Variants in DLG2 observed in about 807,000 individuals in gnomAD.
The protein encoded by DLG2 is disks large homolog 2.
In DLG2, 45 loss-of-function variants were observed where a neutral mutation model predicts 132.5. That is an observed-to-expected ratio of 0.34 (90% CI 0.27 to 0.44). The LOEUF is 0.44. DLG2 is among the 20% of genes least tolerant of loss of function. The probability of loss-of-function intolerance (pLI) is 1.00; values close to 1 mark genes in which losing one functional copy is unlikely to be tolerated. For synonymous variants in DLG2, 424 were observed against 419.6 expected, an observed-to-expected ratio of 1.01 and a Z score of -0.13; for missense variants, 1,045 against 1,196.9, an observed-to-expected ratio of 0.87 and a Z score of 1.87.
chr11:84,901,297 C>G (rs1352197271), intron 6 of DLG2, among the ~76,000 whole-genome samples: 1 of 151,984 alleles, frequency 6.6e-6, no homozygotes, highest in African/African-American at 2.4e-5. Context: ...AGGAGGGTCA[C>G]AGGCTGAGAA....
At chr11:85,486,664 C>A (rs1472092962) in intron 3 of DLG2, among the ~76,000 whole-genome samples, 1 of 152,074 alleles carries the variant, frequency 6.6e-6, no homozygotes, top group Non-Finnish European at 1.5e-5. Flanking sequence ...GGAATGCCCA[C>A]CCATAGCAGT....
At chr11:85,504,437 C>A (rs1390702213) in intron 3 of DLG2, among the ~76,000 whole-genome samples, 2 of 152,178 alleles carry the variant, frequency 1.3e-5, no homozygotes, top group African/African-American at 4.8e-5. Context: ...ATATGGCTAG[C>A]CAGTTTTCCC....
chr11:83,799,154 G>A (rs2043645038), intron 17 of DLG2, among the ~76,000 whole-genome samples: 1 of 152,170 alleles, frequency 6.6e-6, no homozygotes, highest in South Asian at 2.1e-4. Flanking sequence ...ACTTATGTGG[G>A]TAACAGGGAA....
At chr11:85,396,771 G>C (rs1271514407) in intron 3 of DLG2, among the ~76,000 whole-genome samples, 1 of 152,138 alleles carries the variant, frequency 6.6e-6, no homozygotes, top group African/African-American at 2.4e-5. Context: ...AGAAATATGG[G>C]ACTACGTGAA....
chr11:85,387,217 A>G (rs931867702), intron 3 of DLG2, among the ~76,000 whole-genome samples: 1 of 152,146 alleles, frequency 6.6e-6, no homozygotes, highest in Non-Finnish European at 1.5e-5. Context: ...TATCTTTGTG[A>G]AGAACATTCC....
chr11:83,676,855 G>A (rs962099640), intron 18 of DLG2, among the ~76,000 whole-genome samples: 4 of 152,066 alleles, frequency 2.6e-5, no homozygotes, highest in Admixed American at 6.6e-5. Flanking sequence ...TAAACTCCTC[G>A]AGTTCAAAGA....
chr11:84,520,249 T>G (rs570522539), intron 7 of DLG2, among the ~76,000 whole-genome samples: 19 of 152,306 alleles, frequency 1.2e-4, no homozygotes, highest in Middle Eastern at 6.8e-3. Context: ...GTTCTTTGTT[T>G]TAAACAATTT....
chr11:84,357,525 G>C (rs1175843720), intron 7 of DLG2, among the ~76,000 whole-genome samples: 1 of 151,976 alleles, frequency 6.6e-6, no homozygotes, highest in East Asian at 1.9e-4. Context: ...ATGTTTAAGA[G>C]CAATGGCAGT....
chr11:84,057,014 C>A (rs2096514004), intron 11 of DLG2, among the ~76,000 whole-genome samples: 1 of 152,046 alleles, frequency 6.6e-6, no homozygotes, highest in Admixed American at 6.6e-5. Context: ...ACTTGTAACC[C>A]CATCTCCCAT....
At chr11:84,079,224 C>A (rs2096869211) in intron 10 of DLG2, among the ~76,000 whole-genome samples, 2 of 151,714 alleles carry the variant, frequency 1.3e-5, no homozygotes, top group Admixed American at 1.3e-4. Context: ...CACCTTAGTT[C>A]AAGTTACAAT....
chr11:84,352,074 C>G (rs568748753), intron 7 of DLG2, among the ~76,000 whole-genome samples: 1 of 152,142 alleles, frequency 6.6e-6, no homozygotes, highest in African/African-American at 2.4e-5. Context: ...ATTCATAGAA[C>G]CTTTTTAAAC....
At chr11:83,981,982 G>A (rs991191521) in intron 11 of DLG2, among the ~76,000 whole-genome samples, 1 of 152,140 alleles carries the variant, frequency 6.6e-6, no homozygotes, top group Admixed American at 6.6e-5. Context: ...TTATAATGGA[G>A]CTGAGAAATG....
At position 84,129,216 on chromosome 11, in the gene DLG2, C is replaced by T. The variant is rs560799958; in HGVS notation, c.625-30169G>A. Among the ~76,000 whole-genome samples the T allele has an allele frequency of 3.3e-5, 5 of 152,170 alleles. No individual in the cohort carries two copies. In the South Asian group the frequency reaches 1.0e-3, roughly 32 times the overall value. On this transcript the variant is annotated intron_variant, in intron 9 of 27. Transcript: ENST00000376104. ...CTAGGAAGGACTAAGAAGTCATCTA[C>T]TGAACCATGACACATTTACAGACTA...
chr11:84,224,240 C>A (rs544567510), intron 8 of DLG2, among the ~76,000 whole-genome samples: 1 of 152,304 alleles, frequency 6.6e-6, no homozygotes, highest in South Asian at 2.1e-4. Flanking sequence ...CAGGCATTGA[C>A]TGAAGTTGCA....
chr11:85,229,817 GA>G (rs938625133), intron 4 of DLG2, among the ~76,000 whole-genome samples: 4 of 152,000 alleles, frequency 2.6e-5, no homozygotes, highest in Admixed American at 2.6e-4. Context: ...GCCATAAAAA[GA>G]ATGAGTTTAT....
chr11:85,240,999 G>A (rs2152676091), intron 4 of DLG2, among the ~76,000 whole-genome samples: 1 of 151,546 alleles, frequency 6.6e-6, no homozygotes, highest in African/African-American at 2.4e-5. Flanking sequence ...AGATACATTT[G>A]GAGAGAAATT....
chr11:84,064,072 C>T (rs1390068874), intron 10 of DLG2, among the ~76,000 whole-genome samples: 1 of 152,036 alleles, frequency 6.6e-6, no homozygotes, highest in Non-Finnish European at 1.5e-5. Flanking sequence ...TGTAACAAAC[C>T]TGCATGTTGT....
At chr11:84,167,729 C>T (rs146587072) in intron 8 of DLG2, among the ~76,000 whole-genome samples, 3,056 of 151,878 alleles carry the variant, frequency 0.02, 93 homozygotes, top group African/African-American at 0.07. Flanking sequence ...TACAGTGGTG[C>T]GATCTTGGCT....
intron 16 of DLG2, among the ~76,000 whole-genome samples, chr11:83,851,105 A>G (rs2059672795): frequency 6.6e-6 from 1 of 150,676 alleles, no homozygotes; most frequent in South Asian, 2.1e-4. Context: ...TGAACCTGGG[A>G]GGTGGAGCTT....
Sources: gnomAD v4.1 joint callset for allele counts (sites outside exome capture counted in the v4.1 genomes callset) on GRCh38, gnomAD v4.1.1 for gene constraint, MANE v1.5 for transcripts, NCBI Gene and HGNC (gene_info 2026-07-23, HGNC 2026-07-21) for gene names.